Variants in EXOC6B observed in about 807,000 individuals in gnomAD.
EXOC6B encodes the protein exocyst complex component 6B.
Under a neutral mutation model 113.5 loss-of-function variants are expected in EXOC6B, and 54 were observed. The ratio of observed to expected loss-of-function variants is 0.48; its 90% CI spans 0.38 to 0.60. EXOC6B has a LOEUF of 0.60. EXOC6B is among the 20% of genes least tolerant of loss of function. The pLI, the probability that EXOC6B is intolerant of heterozygous loss-of-function variation, is 0.00. For missense variants in EXOC6B, 797 were observed against 977.5 expected, an observed-to-expected ratio of 0.82 and a Z score of 2.46; for synonymous variants, 357 against 339.0, an observed-to-expected ratio of 1.05 and a Z score of -0.58.
intron 12 of EXOC6B, 55 bp from the exon 13 acceptor site, chr2:72,498,606 GTTTTT>G: frequency 4.7e-6 from 4 of 843,744 alleles, no homozygotes; most frequent in South Asian, 1.9e-5. Flanking sequence ...TTTTTTTTCG[GTTTTT>G]TTTTTTTTTG....
chr2:72,777,361 C>G (rs1683768623), intron 1 of EXOC6B, among the ~76,000 whole-genome samples: 1 of 151,948 alleles, frequency 6.6e-6, no homozygotes, highest in African/African-American at 2.4e-5. Flanking sequence ...ACCATGGAGG[C>G]TAGAAGACAG....
At chr2:72,533,712 T>C (rs1702136368) in intron 8 of EXOC6B, among the ~76,000 whole-genome samples, 1 of 152,176 alleles carries the variant, frequency 6.6e-6, no homozygotes, top group South Asian at 2.1e-4. Flanking sequence ...AGAACATTAT[T>C]TCATTAAATA....
chr2:72,363,625 T>C (rs563967940), intron 19 of EXOC6B, among the ~76,000 whole-genome samples: 5 of 152,058 alleles, frequency 3.3e-5, no homozygotes, highest in Non-Finnish European at 5.9e-5. Context: ...ATGATGATGA[T>C]GACAAAAATA....
intron 8 of EXOC6B, among the ~76,000 whole-genome samples, chr2:72,520,673 C>T (rs995983392): frequency 1.3e-5 from 2 of 152,098 alleles, no homozygotes; most frequent in African/African-American, 4.8e-5. Flanking sequence ...GTTGATGTGC[C>T]CAGGTCCAAA....
chr2:72,711,956 C>G (rs538339593), intron 6 of EXOC6B, among the ~76,000 whole-genome samples: 56 of 152,264 alleles, frequency 3.7e-4, no homozygotes, highest in Middle Eastern at 3.4e-3. Context: ...CTGCAGTTGA[C>G]TCTGGATAAC....
intron 18 of EXOC6B, among the ~76,000 whole-genome samples, chr2:72,397,617 CAAAAAA>C (rs1229846045): frequency 3.0e-4 from 28 of 93,394 alleles, no homozygotes; most frequent in African/African-American, 1.7e-3. Flanking sequence ...AACCTCATCT[CAAAAAA>C]AAAAAATAAA....
chr2:72,699,843 T>C (rs922481477), intron 6 of EXOC6B, among the ~76,000 whole-genome samples: 4 of 152,188 alleles, frequency 2.6e-5, no homozygotes, highest in African/African-American at 9.6e-5. Flanking sequence ...AGATAGCTTT[T>C]AATGGCACTA....
chr2:72,388,146 T>TC (rs1692163795), intron 18 of EXOC6B, among the ~76,000 whole-genome samples: 1 of 152,108 alleles, frequency 6.6e-6, no homozygotes, highest in East Asian at 1.9e-4. Context: ...CCCTGGACAG[T>TC]CAAACACACC....
intron 8 of EXOC6B, among the ~76,000 whole-genome samples, chr2:72,526,236 A>G (rs1394406918): frequency 6.6e-6 from 1 of 152,046 alleles, no homozygotes; most frequent in Non-Finnish European, 1.5e-5. Context: ...TAATACCAAC[A>G]TGTTACAGAT....
intron 6 of EXOC6B, among the ~76,000 whole-genome samples, chr2:72,632,264 T>G (rs1355545700): frequency 6.6e-6 from 1 of 152,144 alleles, no homozygotes; most frequent in Admixed American, 6.5e-5. Context: ...TAAAAACCTA[T>G]GAAATTTTAA....
At chr2:72,210,477 T>C (rs1344405797) in intron 20 of EXOC6B, among the ~76,000 whole-genome samples, 1 of 152,156 alleles carries the variant, frequency 6.6e-6, no homozygotes, top group African/African-American at 2.4e-5. Flanking sequence ...GGATACCCAT[T>C]TCCCAGCACA....
chr2:72,477,145 G>A (rs1189786569), intron 17 of EXOC6B, among the ~76,000 whole-genome samples: 1 of 152,106 alleles, frequency 6.6e-6, no homozygotes, highest in Non-Finnish European at 1.5e-5. Flanking sequence ...TCTTTACACT[G>A]GTGAACTCTA....
chr2:72,631,941 C>T (rs962172070), intron 6 of EXOC6B, among the ~76,000 whole-genome samples: 3 of 151,910 alleles, frequency 2.0e-5, no homozygotes, highest in Non-Finnish European at 2.9e-5. Context: ...ACATGAAAAG[C>T]AATTTAAAGT....
intron 18 of EXOC6B, among the ~76,000 whole-genome samples, chr2:72,392,064 T>C (rs112190007): frequency 6.6e-6 from 1 of 152,224 alleles, no homozygotes; most frequent in Admixed American, 6.6e-5. Flanking sequence ...ATTCTTTTTT[T>C]AAAAATCTTG....
intron 20 of EXOC6B, among the ~76,000 whole-genome samples, chr2:72,199,555 G>A (rs1368282353): frequency 6.6e-6 from 1 of 152,170 alleles, no homozygotes; most frequent in Non-Finnish European, 1.5e-5. Context: ...AAGAAACAGT[G>A]AGGTTTTAAA....
At chr2:72,768,288 CTTTTT>C (rs200442752) in intron 1 of EXOC6B, among the ~76,000 whole-genome samples, 5 of 105,400 alleles carry the variant, frequency 4.7e-5, no homozygotes, top group African/African-American at 9.8e-5. Context: ...AGAATGCAAG[CTTTTT>C]TTTTTTTTTT....
At chr2:72,526,860 T>C (rs1396075621) in intron 8 of EXOC6B, among the ~76,000 whole-genome samples, 1 of 151,994 alleles carries the variant, frequency 6.6e-6, no homozygotes, top group Non-Finnish European at 1.5e-5. Context: ...TATAATTAAT[T>C]ATAGATTCAC....
At chr2:72,413,629 G>A (rs1694328807) in intron 18 of EXOC6B, among the ~76,000 whole-genome samples, 1 of 151,078 alleles carries the variant, frequency 6.6e-6, no homozygotes, top group Non-Finnish European at 1.5e-5. Context: ...ATTGCAGTGA[G>A]CTGAGATCAC....
At chr2:72,667,860 A>C (rs189399223) in intron 6 of EXOC6B, among the ~76,000 whole-genome samples, 111 of 152,358 alleles carry the variant, frequency 7.3e-4, no homozygotes, top group African/African-American at 2.6e-3. Flanking sequence ...AACAAAGATA[A>C]AAATTGACAA....
Sources: allele counts gnomAD v4.1 joint callset (sites outside exome capture counted in the v4.1 genomes callset), GRCh38; gene constraint gnomAD v4.1.1; transcripts MANE v1.5; gene names NCBI Gene and HGNC (gene_info 2026-07-23, HGNC 2026-07-21).